The following TMEM65 variants were observed in gnomAD, a reference collection of about 807,000 sequenced individuals.
TMEM65 encodes the protein transmembrane protein 65.
Under a neutral mutation model 25.4 loss-of-function variants are expected in TMEM65, and 22 were observed. That is an observed-to-expected ratio of 0.86 (90% CI 0.62 to 1.23). The LOEUF (loss-of-function observed/expected upper bound fraction) is 1.23, where lower values mean the gene tolerates loss of function less well. Among genes scored for constraint, TMEM65 ranks in the 50% most tolerant of loss-of-function variants. The pLI is 0.00. For missense variants in TMEM65, 262 were observed against 308.2 expected, an observed-to-expected ratio of 0.85 and a Z score of 1.12; for synonymous variants, 132 against 126.2, an observed-to-expected ratio of 1.05 and a Z score of -0.31.
chr8:124,369,447 T>C (rs1370290887), intron 1 of TMEM65, among the ~76,000 whole-genome samples: 4 of 152,144 alleles, frequency 2.6e-5, no homozygotes, highest in Admixed American at 6.5e-5. Context: ...CCATACCAAA[T>C]CCAAAACACT....
At chr8:124,314,125 A>T in intron 6 of TMEM65, 64 bp from the exon 7 acceptor site, 1 of 1,283,064 alleles carries the variant, frequency 7.8e-7, no homozygotes, top group Non-Finnish European at 1.1e-6. Flanking sequence ...AGGCAGAGAA[A>T]AAATCTCACC....
chr8:124,354,557 G>C (rs991545954), intron 1 of TMEM65, among the ~76,000 whole-genome samples: 3 of 152,104 alleles, frequency 2.0e-5, no homozygotes, highest in African/African-American at 7.2e-5. Flanking sequence ...TCAGGGATCT[G>C]CACCCTGCCC....
chr8:124,323,751 T>A (rs1308031349), intron 3 of TMEM65, among the ~76,000 whole-genome samples: 1 of 152,078 alleles, frequency 6.6e-6, no homozygotes, highest in African/African-American at 2.4e-5. Context: ...ACATCTATAC[T>A]ATTGTTATTT....
intron 6 of TMEM65, among the ~76,000 whole-genome samples, chr8:124,315,948 C>T (rs1814232310): frequency 6.6e-6 from 1 of 152,122 alleles, no homozygotes; most frequent in African/African-American, 2.4e-5. Context: ...CTATTTCAGA[C>T]TCCTGACTTT....
intron 1 of TMEM65, among the ~76,000 whole-genome samples, chr8:124,364,693 C>T (rs1364764178): frequency 6.6e-6 from 1 of 152,134 alleles, no homozygotes; most frequent in Non-Finnish European, 1.5e-5. Context: ...AGTCTTTTAT[C>T]TACAAGAACC....
rs117692134 is a variant in TMEM65, at chr8:124,343,121, A to G, written c.305-12329T>C. 5.0e-3 allele frequency among the ~76,000 whole-genome samples: 762 copies of G among 152,296 alleles called. 6 individuals carry two copies. Among genetic ancestry groups the G allele is most frequent in the Admixed American group, 9.1e-3 (139 of 15,284 alleles). On this transcript the variant is annotated intron_variant, in intron 1 of 6. Coordinates refer to ENST00000297632, the MANE Select transcript of TMEM65 (RefSeq NM_194291.3). ...ATGGCATTAAACAAAGCTCACTTCA[A>G]TGGACAAGTTGTAAAACAAATAAGG...
At chr8:124,331,538 C>G (rs927241154) in intron 1 of TMEM65, among the ~76,000 whole-genome samples, 12 of 151,314 alleles carry the variant, frequency 7.9e-5, no homozygotes, top group African/African-American at 2.7e-4. Flanking sequence ...CAAAGTTTTC[C>G]CAAGTATAAG....
chr8:124,364,409 T>C (rs2131230658), intron 1 of TMEM65, among the ~76,000 whole-genome samples: 1 of 152,296 alleles, frequency 6.6e-6, no homozygotes, highest in Non-Finnish European at 1.5e-5. Context: ...TCACTACCAC[T>C]ATGACAGAGT....
chr8:124,356,148 T>A (rs1372125924), intron 1 of TMEM65, among the ~76,000 whole-genome samples: 4 of 152,178 alleles, frequency 2.6e-5, no homozygotes, highest in Non-Finnish European at 5.9e-5. Context: ...TTTAATAAAT[T>A]ACCCAGTCTC....
intron 1 of TMEM65, among the ~76,000 whole-genome samples, chr8:124,333,458 TGTGTGTGTGTGC>T (rs1384112504): frequency 3.7e-5 from 4 of 107,270 alleles, no homozygotes; most frequent in South Asian, 3.6e-4. Flanking sequence ...TTTCCATCTG[TGTGTGTGTGTGC>T]GTGTGTGTGT....
intron 1 of TMEM65, among the ~76,000 whole-genome samples, chr8:124,352,725 G>C (rs900380735): frequency 6.6e-6 from 1 of 152,018 alleles, no homozygotes; most frequent in African/African-American, 2.4e-5. Context: ...AGTGAGGCAG[G>C]CATCTGTATA....
Position 124,372,384 on chromosome 8 carries a change from A to G in TMEM65, c.-227T>C, listed in dbSNP as rs190392153. On this transcript the variant is annotated 5_prime_UTR_variant, in exon 1 of 7. Coordinates refer to ENST00000297632, the MANE Select transcript of TMEM65 (RefSeq NM_194291.3). The stretch of plus-strand genomic sequence containing the variant: ...CGGCGGCTCCCGCCCCTCCGATGGG[A>G]AAAACTTTCTCTGAGACGGCCGGGC... 1,024 of 213,320 alleles carry G rather than the reference A, an allele frequency of 4.8e-3. 12 individuals carry two copies. The highest frequency in any genetic ancestry group is 0.022 in the African/African-American group (949 of 42,516). The allele number at this position is 213,320 out of a possible 1,614,324, so 13.2% of individuals were successfully genotyped here. A position where few individuals can be genotyped will look rare whatever the true frequency, so the allele number is the denominator to read the frequency against.
At chr8:124,324,917 T>A (rs1365733527) in intron 3 of TMEM65, among the ~76,000 whole-genome samples, 1 of 152,034 alleles carries the variant, frequency 6.6e-6, no homozygotes, top group Non-Finnish European at 1.5e-5. Flanking sequence ...ATACAATTAA[T>A]CTACTCTAGA....
intron 1 of TMEM65, among the ~76,000 whole-genome samples, chr8:124,340,530 CATTAAA>C (rs1263703907): frequency 3.7e-5 from 2 of 53,832 alleles, no homozygotes; most frequent in South Asian, 1.6e-3. Context: ...CAGTCATTAA[CATTAAA>C]ATTAACACAG....
At chr8:124,358,750 C>T (rs1028892478) in intron 1 of TMEM65, among the ~76,000 whole-genome samples, 3 of 152,184 alleles carry the variant, frequency 2.0e-5, no homozygotes, top group Non-Finnish European at 4.4e-5. Context: ...CAAGTTTTCC[C>T]TTAACAGATG....
At chr8:124,371,554 C>T (rs1168177830) in intron 1 of TMEM65, among the ~76,000 whole-genome samples, 1 of 152,234 alleles carries the variant, frequency 6.6e-6, no homozygotes, top group South Asian at 2.1e-4. Context: ...TCAATCCCAA[C>T]AGCGTTAACT....
intron 1 of TMEM65, among the ~76,000 whole-genome samples, chr8:124,337,133 ACACACACACACG>A (rs979079836): frequency 3.9e-5 from 5 of 128,444 alleles, no homozygotes; most frequent in African/African-American, 1.6e-4. Flanking sequence ...TTATATGTAA[ACACACACACACG>A]CACACACACA....
intron 1 of TMEM65, among the ~76,000 whole-genome samples, chr8:124,360,532 T>C (rs115085174): frequency 0.012 from 1,846 of 152,276 alleles, 39 homozygotes; most frequent in African/African-American, 0.042. Flanking sequence ...ACCATTGGTT[T>C]GAATTCACAA....
At chr8:124,337,969 CTTAA>C (rs1310609811) in intron 1 of TMEM65, among the ~76,000 whole-genome samples, 11 of 151,820 alleles carry the variant, frequency 7.2e-5, no homozygotes, top group East Asian at 3.9e-4. Flanking sequence ...ATCTAAAATA[CTTAA>C]TTTATTTGGT....
Sources: allele counts gnomAD v4.1 joint callset (sites outside exome capture counted in the v4.1 genomes callset), GRCh38; gene constraint gnomAD v4.1.1; transcripts MANE v1.5; gene names NCBI Gene and HGNC (gene_info 2026-07-23, HGNC 2026-07-21).